Variants in GLT1D1 observed in about 807,000 individuals in gnomAD.
GLT1D1 encodes the protein glycosyltransferase 1 domain-containing protein 1.
Under a neutral mutation model 28.7 loss-of-function variants are expected in GLT1D1, and 21 were observed. The observed-to-expected ratio is 0.73, with a 90% CI of 0.52 to 1.05. GLT1D1 has a LOEUF of 1.05. Among genes scored for constraint, GLT1D1 ranks in the 50% least tolerant of loss-of-function variants. The pLI, the probability that GLT1D1 is intolerant of heterozygous loss-of-function variation, is 0.00. For synonymous variants in GLT1D1, 147 were observed against 124.8 expected, an observed-to-expected ratio of 1.18 and a Z score of -1.19; for missense variants, 343 against 330.6, an observed-to-expected ratio of 1.04 and a Z score of -0.29.
chr12:128,916,116 A>G (rs1002050296), intron 4 of GLT1D1, among the ~76,000 whole-genome samples: 2 of 152,182 alleles, frequency 1.3e-5, no homozygotes, highest in African/African-American at 2.4e-5. Context: ...GGAGTCATGC[A>G]TTGAATAATT....
intron 7 of GLT1D1, among the ~76,000 whole-genome samples, chr12:128,977,695 G>A (rs569674276): frequency 9.0e-4 from 137 of 152,018 alleles, no homozygotes; most frequent in Admixed American, 2.2e-3. Context: ...CTTGAGAGAT[G>A]GAATTTCTGT....
At chr12:128,971,506 C>CTCCCTTCCTCTCTCCTTCTG (rs1485084525) in intron 7 of GLT1D1, among the ~76,000 whole-genome samples, 2 of 130,010 alleles carry the variant, frequency 1.5e-5, no homozygotes, top group African/African-American at 2.9e-5. Flanking sequence ...CCCTCCCTCT[C>CTCCCTTCCTCTCTCCTTCTG]TCCCTTCCTC....
chr12:128,911,334 A>C lies in GLT1D1; in HGVS notation c.375+12047A>C, dbSNP rs568474054. 2.0e-5 allele frequency among the ~76,000 whole-genome samples: 3 copies of C among 152,284 alleles called. No individual in the cohort carries two copies. The South Asian group carries it at 6.2e-4, about 32-fold the overall frequency. On this transcript the variant is annotated intron_variant, in intron 4 of 7. Transcript: ENST00000281703. ...TGATTGTCTCGCCCTTGGCAGGGCT[A>C]CTTCACTTTAGCTTGTGTCCCAAAA...
At chr12:128,860,181 G>A (rs1956320286) in intron 1 of GLT1D1, among the ~76,000 whole-genome samples, 1 of 152,190 alleles carries the variant, frequency 6.6e-6, no homozygotes, top group Non-Finnish European at 1.5e-5. Flanking sequence ...CAGAAATTAG[G>A]CTGGCGCGGT....
chr12:128,928,008 A>AAAAG (rs1873435886), intron 4 of GLT1D1, among the ~76,000 whole-genome samples: 1 of 149,022 alleles, frequency 6.7e-6, no homozygotes, highest in African/African-American at 2.5e-5. Context: ...TCAAAAAAAA[A>AAAAG]AAAAAAAAAA....
rs867637057 is a variant in GLT1D1, at chr12:128,964,961, G to T, written c.639+7318G>T. Among the ~76,000 whole-genome samples, 3 of 152,192 alleles carry T rather than the reference G, an allele frequency of 2.0e-5. No individual in the cohort carries two copies. In the South Asian group the frequency reaches 6.2e-4, roughly 32 times the overall value. ...GTAGTGCAGTGTGAAAGGTGTGAGG[G>T]AAGGAATGGCCTAAATGAAAGGGAA... On this transcript the variant is annotated intron_variant, in intron 7 of 7. Transcript: ENST00000281703.
At position 128,879,372 on chromosome 12, in the gene GLT1D1, TTTTCTTTTTCTTTCTTTCTTTCTTTC is replaced by T. The variant is rs1183445836; in HGVS notation, c.217+3318_217+3343del. 4.9e-3 allele frequency among the ~76,000 whole-genome samples: 687 copies of T among 141,368 alleles called. 35 individuals are homozygous for T. Among genetic ancestry groups the T allele is most frequent in the African/African-American group, 0.019 (665 of 34,948 alleles). 92.7% of individuals were successfully genotyped at this position (141,368 alleles called of 152,430 possible). The stretch of plus-strand genomic sequence containing the variant: ...TTCTGTAAAGTGATACTTATTATTT[TTTTCTTTTTCTTTCTTTCTTTCTTTC>T]TTTCTTTCTTTCTTTCTTTCTTTCT... On this transcript the variant is annotated intron_variant, in intron 2 of 7. Coordinates refer to ENST00000281703, the MANE Select transcript of GLT1D1 (RefSeq NM_144669.3).
At chr12:128,908,215 T>C (rs1871086181) in intron 4 of GLT1D1, among the ~76,000 whole-genome samples, 2 of 152,300 alleles carry the variant, frequency 1.3e-5, no homozygotes, top group South Asian at 4.1e-4. Context: ...GGCCGGATTG[T>C]GTTAACTTCA....
chr12:128,950,871 G>A (rs1190422429), intron 6 of GLT1D1, among the ~76,000 whole-genome samples: 1 of 152,232 alleles, frequency 6.6e-6, no homozygotes, highest in Non-Finnish European at 1.5e-5. Flanking sequence ...ATGGTGTGTA[G>A]CAGAGACTGG....
At chr12:128,914,262 G>A (rs1871858208) in intron 4 of GLT1D1, among the ~76,000 whole-genome samples, 2 of 152,046 alleles carry the variant, frequency 1.3e-5, no homozygotes. Context: ...TTACAGGGAG[G>A]TATAATTTTC....
In GLT1D1 at chr12:128,973,918, G is replaced by GT. The variant is rs1256217483; in HGVS notation, c.640-9011_640-9010insT. ...TGTGTGTGTAGGGGGTGTGTGTAGG[G>GT]GGTGTGTGTGTGTGTGTAGGGTGTG... On this transcript the variant is annotated intron_variant, in intron 7 of 7. Transcript: ENST00000281703. 3.9e-3 allele frequency among the ~76,000 whole-genome samples: 238 copies of GT among 61,256 alleles called. 2 individuals are homozygous for GT. Among genetic ancestry groups the GT allele is most frequent in the Middle Eastern group, 8.2e-3 (1 of 122 alleles). The allele number at this position is 61,256 out of a possible 152,430, so 40.2% of individuals were successfully genotyped here.
At chr12:128,973,472 C>T (rs1219326949) in intron 7 of GLT1D1, among the ~76,000 whole-genome samples, 2 of 151,380 alleles carry the variant, frequency 1.3e-5, no homozygotes, top group Non-Finnish European at 2.9e-5. Context: ...GGATGACAAG[C>T]GTGAGCCACC....
chr12:128,929,605 C>T (rs1275048279), intron 4 of GLT1D1, among the ~76,000 whole-genome samples: 1 of 152,140 alleles, frequency 6.6e-6, no homozygotes, highest in Non-Finnish European at 1.5e-5. Context: ...ACAAGCTTTT[C>T]TCAGTATTTT....
At position 128,874,567 on chromosome 12, in the gene GLT1D1, G is replaced by C. The variant is rs116862321; in HGVS notation, c.69-1347G>C. Among the ~76,000 whole-genome samples the C allele has an allele frequency of 3.3e-3, 472 of 144,396 alleles. 4 individuals are homozygous for C. Among genetic ancestry groups the C allele is most frequent in the Non-Finnish European group, 6.0e-3 (400 of 67,086 alleles). The allele number at this position is 144,396 out of a possible 152,430, so 94.7% of individuals were successfully genotyped here. ...GCACAGTCGTAGCTCACTCAGCCTC[G>C]ACCTCATAGGCTCAAGCAGTAGTCC... On this transcript the variant is annotated intron_variant, in intron 1 of 7. Coordinates refer to ENST00000281703, the MANE Select transcript of GLT1D1 (RefSeq NM_144669.3).
chr12:128,909,170 G>C (rs1333895202), intron 4 of GLT1D1, among the ~76,000 whole-genome samples: 1 of 151,780 alleles, frequency 6.6e-6, no homozygotes, highest in East Asian at 1.9e-4. Context: ...GTTAGTGTCT[G>C]GACATTTTTT....
At chr12:128,894,096 T>C (rs1027262560) in intron 3 of GLT1D1, among the ~76,000 whole-genome samples, 5 of 152,200 alleles carry the variant, frequency 3.3e-5, no homozygotes, top group Non-Finnish European at 5.9e-5. Flanking sequence ...TTCTCATAAC[T>C]GAGGCCAGCA....
At chr12:128,926,412 C>T (rs927213637) in intron 4 of GLT1D1, 35 of 1,532,362 alleles carry the variant, frequency 2.3e-5, no homozygotes, top group Admixed American at 3.9e-5. Context: ...ATGTGGACTT[C>T]GACAAGTTAA....
At position 128,959,313 on chromosome 12, in the gene GLT1D1, A is replaced by G. The variant is rs540901667; in HGVS notation, c.639+1670A>G. 2.6e-4 allele frequency among the ~76,000 whole-genome samples: 39 copies of G among 150,162 alleles called. 1 individual carries two copies. The highest frequency in any genetic ancestry group is 9.6e-4 in the African/African-American group (39 of 40,794). On this transcript the variant is annotated intron_variant, in intron 7 of 7. Coordinates refer to ENST00000281703, the MANE Select transcript of GLT1D1 (RefSeq NM_144669.3). ...AATTCAAGTTCAACTTTCCCTTTCTATAGTGTGGTGACGTGTCATGCTTTT... is the reference window on the plus strand; with the variant it reads ...AATTCAAGTTCAACTTTCCCTTTCTGTAGTGTGGTGACGTGTCATGCTTTT...
chr12:128,922,422 C>A (rs1872745992), intron 4 of GLT1D1, among the ~76,000 whole-genome samples: 2 of 152,130 alleles, frequency 1.3e-5, no homozygotes, highest in East Asian at 3.9e-4. Context: ...TCCTACCTGA[C>A]CTCTCAATCT....
Sources: gnomAD v4.1 joint callset for allele counts (sites outside exome capture counted in the v4.1 genomes callset) on GRCh38, gnomAD v4.1.1 for gene constraint, MANE v1.5 for transcripts, NCBI Gene and HGNC (gene_info 2026-07-23, HGNC 2026-07-21) for gene names.